The following ESF1 variants were observed in gnomAD, a reference collection of about 807,000 sequenced individuals.
ESF1 encodes ESF1 homolog.
A neutral mutation model predicts 92.0 loss-of-function variants in ESF1; 58 were observed. That is an observed-to-expected ratio of 0.63 (90% CI 0.51 to 0.78). ESF1 has a LOEUF of 0.78. ESF1 is among the 30% of genes least tolerant of loss of function. The pLI, the probability that ESF1 is intolerant of heterozygous loss-of-function variation, is 0.00. For missense variants in ESF1, 922 were observed against 989.1 expected (o/e 0.93, Z 0.91); for synonymous variants, 321 against 313.7 (o/e 1.02, Z -0.24).
At chr20:13,764,455 A>G (rs1380337729) in intron 8 of ESF1, among the ~76,000 whole-genome samples, 1 of 152,170 alleles carries the variant, frequency 6.6e-6, no homozygotes, top group Non-Finnish European at 1.5e-5. Context: ...TTAAAAGTAC[A>G]GCTGATTCTT....
Position 13,748,589 on chromosome 20 carries a change from TA to T in ESF1, c.1828+11102del, listed in dbSNP as rs1473845367. On this transcript the variant is annotated intron_variant, in intron 9 of 13. Transcript: ENST00000617257. ...ATGTGTGTGTGTATATATATATATA[TA>T]TATTTTTTTTTTTTTGAGATGGAGT... 9.5e-4 allele frequency among the ~76,000 whole-genome samples: 30 copies of T among 31,444 alleles called. 1 individual carries two copies. Among genetic ancestry groups the T allele is most frequent in the South Asian group, 2.3e-3 (1 of 442 alleles). The allele number at this position is 31,444 out of a possible 152,430, so 20.6% of individuals were successfully genotyped here.
chr20:13,763,167 T>A (rs1979281611), intron 8 of ESF1, among the ~76,000 whole-genome samples: 2 of 152,168 alleles, frequency 1.3e-5, no homozygotes, highest in Admixed American at 6.5e-5. Context: ...GGCCTATTTA[T>A]TAAAGTTTTA....
intron 9 of ESF1, among the ~76,000 whole-genome samples, chr20:13,750,871 G>A (rs1271429031): frequency 6.6e-6 from 1 of 151,824 alleles, no homozygotes; most frequent in Non-Finnish European, 1.5e-5. Context: ...GGCCCTAGAT[G>A]CCTGGGAGGC....
chr20:13,735,412 T>C (rs73256768), intron 9 of ESF1, among the ~76,000 whole-genome samples: 1,971 of 152,248 alleles, frequency 0.013, 37 homozygotes, highest in African/African-American at 0.045. Flanking sequence ...AATTCAAAAA[T>C]GTTTCTTATG....
chr20:13,721,528 G>A (rs1347284385), intron 11 of ESF1, among the ~76,000 whole-genome samples: 2 of 152,212 alleles, frequency 1.3e-5, no homozygotes, highest in Non-Finnish European at 2.9e-5. Flanking sequence ...GAGGTGATAT[G>A]TGAGAACACC....
intron 9 of ESF1, among the ~76,000 whole-genome samples, chr20:13,735,521 A>T (rs1409253482): frequency 6.6e-6 from 1 of 152,148 alleles, no homozygotes; most frequent in Non-Finnish European, 1.5e-5. Context: ...GCACCTAAGA[A>T]ATGTAAACTG....
intron 9 of ESF1, among the ~76,000 whole-genome samples, chr20:13,755,692 T>C (rs893276618): frequency 3.3e-5 from 5 of 152,238 alleles, no homozygotes; most frequent in Admixed American, 3.3e-4. Flanking sequence ...AATAAAATTG[T>C]ATTATTACAT....
chr20:13,783,252 T>TTAA (rs1442730466), intron 1 of ESF1, 69 bp from the exon 2 acceptor site: 2 of 1,112,724 alleles, frequency 1.8e-6, no homozygotes, highest in African/African-American at 3.2e-5. Context: ...TTAAAACACA[T>TTAA]TCACAATATA....
At chr20:13,783,694 A>G (rs1450167531) in intron 1 of ESF1, among the ~76,000 whole-genome samples, 1 of 152,208 alleles carries the variant, frequency 6.6e-6, no homozygotes, top group African/African-American at 2.4e-5. Context: ...GCGCGCCTGT[A>G]GTCCCAGCTA....
intron 1 of ESF1, 132 bp downstream of exon 1, chr20:13,784,748 G>A (rs994409655): frequency 1.6e-5 from 6 of 378,988 alleles, no homozygotes; most frequent in Non-Finnish European, 3.0e-5. Context: ...AAAGGCTCAG[G>A]AGGAAGGGGC....
chr20:13,783,524 A>G (rs1980367373), intron 1 of ESF1, among the ~76,000 whole-genome samples: 1 of 152,188 alleles, frequency 6.6e-6, no homozygotes, highest in South Asian at 2.1e-4. Flanking sequence ...TTACTAATTG[A>G]AGGCAAATGT....
chr20:13,763,076 T>C (rs1600287492), intron 8 of ESF1, among the ~76,000 whole-genome samples: 1 of 152,084 alleles, frequency 6.6e-6, no homozygotes, highest in East Asian at 1.9e-4. Context: ...TTAGCCAGGA[T>C]GGTCTTGATC....
At position 13,717,376 on chromosome 20, in the gene ESF1, C is replaced by G; in HGVS notation, c.2254G>C (p.Asp752His). The change falls in exon 13 of 14, where the codon GAC (aspartate) becomes CAC (histidine). Residue 752 changes from aspartate to histidine, a missense_variant. Transcript: ENST00000617257. ...CTGGTGTCTATGGTTACCTCAAAGT[C>G]ATCCTCTATTAATTCCTTCTTTTTC... is the stretch of plus-strand genomic sequence containing the variant. Reference protein sequence around the residue: ...LMKKKELIEDDFEVNVNDARF... With the variant: ...LMKKKELIEDHFEVNVNDARF... The G allele has an allele frequency of 6.2e-7, 1 of 1,613,992 alleles. No individual in the cohort carries two copies. The highest frequency in any genetic ancestry group is 2.2e-5 in the East Asian group (1 of 44,884).
intron 10 of ESF1, among the ~76,000 whole-genome samples, chr20:13,729,653 GA>G (rs1467187037): frequency 1.3e-5 from 2 of 151,894 alleles, no homozygotes; most frequent in Admixed American, 1.3e-4. Context: ...TTAAAGAAAA[GA>G]ATTTTTATTA....
chr20:13,725,969 T>C (rs976091405), intron 11 of ESF1, among the ~76,000 whole-genome samples: 5 of 152,324 alleles, frequency 3.3e-5, no homozygotes, highest in African/African-American at 9.6e-5. Context: ...CATTCTTCCA[T>C]AGACTCAAAC....
intron 12 of ESF1, among the ~76,000 whole-genome samples, chr20:13,717,949 T>A (rs1248914131): frequency 6.6e-6 from 1 of 152,126 alleles, no homozygotes; most frequent in African/African-American, 2.4e-5. Context: ...AGTAAGTTTT[T>A]TTTTTGCTTT....
intron 11 of ESF1, among the ~76,000 whole-genome samples, chr20:13,723,603 C>CT (rs919246184): frequency 9.9e-5 from 15 of 151,978 alleles, no homozygotes; most frequent in Middle Eastern, 3.4e-3. Flanking sequence ...TAAAAGATCT[C>CT]TAACATTCAC....
Position 13,714,957 on chromosome 20 carries a change from C to G in ESF1, c.2473G>C (p.Asp825His), listed in dbSNP as rs766767622. ...IEKESQRKSI[D>H]PALSMLIKSI... The stretch of plus-strand genomic sequence containing the variant: ...TTAATCAACATTGACAAAGCAGGAT[C>G]AATGGACTTCCTTTGTGATTCCTTT... Residue 825 changes from aspartate (D) to histidine (H), a missense_variant, in exon 14 of 14, where the codon GAT (aspartate) becomes CAT (histidine). Transcript: ENST00000617257. The G allele has an allele frequency of 6.2e-7, 1 of 1,614,030 alleles. No homozygotes were observed. Among genetic ancestry groups the G allele is most frequent in the Middle Eastern group, 1.7e-4 (1 of 6,060 alleles).
intron 10 of ESF1, among the ~76,000 whole-genome samples, chr20:13,730,939 C>T (rs577004808): frequency 1.3e-5 from 2 of 151,816 alleles, no homozygotes; most frequent in Admixed American, 1.3e-4. Context: ...ATATTTTTAA[C>T]TTGAAGAAAA....
Sources: gnomAD v4.1 joint callset for allele counts (sites outside exome capture counted in the v4.1 genomes callset) on GRCh38, gnomAD v4.1.1 for gene constraint, MANE v1.5 for transcripts, NCBI Gene and HGNC (gene_info 2026-07-23, HGNC 2026-07-21) for gene names.